The following DBR1 variants were observed in gnomAD, a reference collection of about 807,000 sequenced individuals.
The protein encoded by DBR1 is lariat debranching enzyme.
In DBR1, 33 loss-of-function variants were observed where a neutral mutation model predicts 45.9. The ratio of observed to expected loss-of-function variants is 0.72; its 90% CI spans 0.55 to 0.96. DBR1 has a LOEUF of 0.96. Among genes scored for constraint, DBR1 ranks in the 40% least tolerant of loss-of-function variants. DBR1 has a pLI of 0.00. For missense variants in DBR1, 619 were observed against 667.4 expected (o/e 0.93, Z 0.80); for synonymous variants, 235 against 235.9 (o/e 1.00, Z 0.04).
chr3:138,174,262 C>T (rs766004234), intron 1 of DBR1, among the ~76,000 whole-genome samples: 51 of 152,280 alleles, frequency 3.3e-4, no homozygotes, highest in Middle Eastern at 3.4e-3. Context: ...AGGTAGCTAT[C>T]TAAACCTGTC....
chr3:138,174,854 G>A lies in DBR1; in HGVS notation c.-59C>T, dbSNP rs1027309192. ...ACGCCCTACACCACAGCCAGCCCAG[G>A]ACCGACTGATCGCTCAGCTCCCGCC... On this transcript the variant is annotated 5_prime_UTR_variant, in exon 1 of 8. Coordinates refer to ENST00000260803, the MANE Select transcript of DBR1 (RefSeq NM_016216.4). 81 of 1,533,804 alleles carry A rather than the reference G, an allele frequency of 5.3e-5. No individual in the cohort carries two copies. Among genetic ancestry groups the A allele is most frequent in the Non-Finnish European group, 7.0e-5 (79 of 1,130,938 alleles).
rs776443332 is a variant in DBR1, at chr3:138,162,219, T to C, written c.1305A>G (p.Glu435=). The change falls in exon 8 of 8, where the codon GAA becomes GAG. Residue 435 remains glutamate (E), a synonymous_variant. Transcript: ENST00000260803. ...NPDEIMLDEE[E]DEDSIVSAHS... ...GTGCACTTACAATACTATCTTCATC[T>C]TCTTCTTCATCTAACATTATTTCAT... The C allele has an allele frequency of 6.2e-7, 1 of 1,614,160 alleles. No individual in the cohort carries two copies. The highest frequency in any genetic ancestry group is 1.7e-5 in the Admixed American group (1 of 60,024).
chr3:138,162,191 T>G lies in DBR1; in HGVS notation c.1333A>C (p.Ser445Arg), dbSNP rs949382702. The G allele has an allele frequency of 1.2e-6, 2 of 1,614,176 alleles. No homozygotes were observed. Among genetic ancestry groups the G allele is most frequent in the Non-Finnish European group, 1.7e-6 (2 of 1,180,044 alleles). Residue 445 changes from serine to arginine, a missense_variant, in exon 8 of 8, where the codon AGT (serine) becomes CGT (arginine). Physicochemically the swap from Ser to Arg is moderately radical, Grantham distance 110. Transcript: ENST00000260803. ...EDEDSIVSAH[S>R]GMNTPSVEPS... ...TCTACCGATGGTGTATTCATGCCACTATGTGCACTTACAATACTATCTTCA... is the reference window on the plus strand; with the variant it reads ...TCTACCGATGGTGTATTCATGCCACGATGTGCACTTACAATACTATCTTCA...
In DBR1 at chr3:138,163,839, G is replaced by A. The variant is rs1364771760; in HGVS notation, c.734C>T (p.Thr245Ile). The A allele has an allele frequency of 6.2e-6, 10 of 1,612,516 alleles. No homozygotes were observed. Among genetic ancestry groups the A allele is most frequent in the Non-Finnish European group, 8.5e-6 (10 of 1,178,848 alleles). ...MQHQAKDKGQ[T>I]ARATKFLALD... Reference sequence around the variant, plus strand: ...GGCTAAAAATTTGGTTGCTCTGGCTGTCTGTCCTTTATCCTTTGCCTGGAC... The same window carrying A: ...GGCTAAAAATTTGGTTGCTCTGGCTATCTGTCCTTTATCCTTTGCCTGGAC... Residue 245 changes from threonine (T) to isoleucine (I), a missense_variant, in exon 6 of 8, where the codon ACA becomes ATA. This residue lies in a region of DBR1 where 430 missense variants were observed against 447.7 expected (regional missense o/e 0.96). Transcript: ENST00000260803.
chr3:138,164,772 G>A (rs1370971657), intron 5 of DBR1, among the ~76,000 whole-genome samples: 3 of 152,126 alleles, frequency 2.0e-5, no homozygotes, highest in South Asian at 2.1e-4. Flanking sequence ...TCAGCCTCCC[G>A]AATAGCTGGG....
chr3:138,167,705 G>C (rs2042936927), intron 4 of DBR1, among the ~76,000 whole-genome samples: 1 of 152,288 alleles, frequency 6.6e-6, no homozygotes, highest in Admixed American at 6.5e-5. Flanking sequence ...CAGCACTTTG[G>C]GAGGCTGAGG....
intron 4 of DBR1, among the ~76,000 whole-genome samples, 191 bp downstream of exon 4, chr3:138,169,916 T>G (rs185982424): frequency 6.6e-6 from 1 of 151,464 alleles, no homozygotes; most frequent in African/African-American, 2.4e-5. Flanking sequence ...CTGGGTGACA[T>G]AGTGAGACTC....
At chr3:138,163,684 C>A (rs935863819) in intron 6 of DBR1, 94 bp downstream of exon 6, 4 of 948,186 alleles carry the variant, frequency 4.2e-6, no homozygotes, top group East Asian at 6.0e-5. Context: ...ACATAAATTA[C>A]AAACAGAACA....
intron 3 of DBR1, among the ~76,000 whole-genome samples, chr3:138,170,787 G>A (rs1338389507): frequency 6.6e-6 from 1 of 152,148 alleles, no homozygotes; most frequent in Admixed American, 6.5e-5. Flanking sequence ...CTTTAACTTT[G>A]AAATCAAAGT....
chr3:138,168,089 A>C (rs1234949324), intron 4 of DBR1, among the ~76,000 whole-genome samples: 1 of 152,232 alleles, frequency 6.6e-6, no homozygotes, highest in Non-Finnish European at 1.5e-5. Flanking sequence ...CATAGTATAC[A>C]CTAAAAAACT....
chr3:138,169,148 A>G (rs2042943645), intron 4 of DBR1, among the ~76,000 whole-genome samples: 2 of 152,242 alleles, frequency 1.3e-5, no homozygotes, highest in South Asian at 4.1e-4. Context: ...TGTGATGGGC[A>G]TGAGTGCAGT....
intron 7 of DBR1, among the ~76,000 whole-genome samples, chr3:138,162,813 T>C (rs1443454585): frequency 6.6e-6 from 1 of 152,254 alleles, no homozygotes; most frequent in Non-Finnish European, 1.5e-5. Flanking sequence ...GGACTATATC[T>C]TCACCATATC....
rs147446524 is a variant in DBR1 at position 138,170,162 on chromosome 3, G to A, written c.434C>T (p.Ser145Phe). Residue 145 changes from serine (S) to phenylalanine (F), a missense_variant, in exon 4 of 8, where the codon TCT becomes TTT. By Grantham distance (155) the Ser-to-Phe change is radical (BLOSUM62 -2). Transcript: ENST00000260803. Reference sequence around the variant, plus strand: ...CACATGATATATACTCCTGATTGTAGATGAATTATAAGGGGGGCACTCAAA... The same window carrying A: ...CACATGATATATACTCCTGATTGTAAATGAATTATAAGGGGGGCACTCAAA... ...GHFECPPYNS[S>F]TIRSIYHVRN... The A allele has an allele frequency of 3.1e-6, 5 of 1,597,752 alleles. No homozygotes were observed. Among genetic ancestry groups the A allele is most frequent in the African/African-American group, 1.3e-5 (1 of 74,286 alleles).
At position 138,163,371 on chromosome 3, in the gene DBR1, CT is replaced by C. The variant is rs1236840360; in HGVS notation, c.918del (p.Glu307LysfsTer18). The C allele has an allele frequency of 6.2e-7, 1 of 1,613,684 alleles. No individual in the cohort carries two copies. The highest frequency in any genetic ancestry group is 1.1e-5 in the South Asian group (1 of 90,996). On this transcript the variant is annotated frameshift_variant, in exon 7 of 8. Coordinates refer to ENST00000260803, the MANE Select transcript of DBR1 (RefSeq NM_016216.4). LOFTEE classifies it high-confidence loss of function. ...INVTGRLWNM[P>X]ENNGLHARWD... ...TACCTTGCATGCAGGCCATTATTTT[CT>C]GGCATATTCCACAGGCGCCCAGTCA...
At chr3:138,171,851 T>C in intron 2 of DBR1, 138 bp from the exon 3 acceptor site, 1 of 659,844 alleles carries the variant, frequency 1.5e-6, no homozygotes, top group East Asian at 2.7e-5. Flanking sequence ...GGTTATGCTT[T>C]TTACATAATA....
At position 138,161,532 on chromosome 3, in the gene DBR1, T is replaced by A. The variant is rs1338905666; in HGVS notation, c.*357A>T. The stretch of plus-strand genomic sequence containing the variant: ...AAATACAGTCTCAAAAAATCACATA[T>A]CTACATATAATACTAAGACAAGTAA... On this transcript the variant is annotated 3_prime_UTR_variant, in exon 8 of 8. Transcript: ENST00000260803. The A allele has an allele frequency of 5.7e-6, 1 of 174,412 alleles. No homozygotes were observed. Among genetic ancestry groups the A allele is most frequent in the Non-Finnish European group, 1.2e-5 (1 of 80,076 alleles). The allele number at this position is 174,412 out of a possible 1,614,324, so 10.8% of individuals were successfully genotyped here.
In DBR1 at chr3:138,174,628, G is replaced by C. The variant is rs1233713779; in HGVS notation, c.168C>G (p.Pro56=). ...AGAAGGTTTGCATGTGACGATACTT[G>C]GGCGGCACGGCCATGCAGCGTAGAT... is the stretch of plus-strand genomic sequence containing the variant. ...EADLRCMAVP[P]KYRHMQTFYR... The change falls in exon 1 of 8, where the codon CCC becomes CCG. Residue 56 remains proline (P), a synonymous_variant. Coordinates refer to ENST00000260803, the MANE Select transcript of DBR1 (RefSeq NM_016216.4). The C allele has an allele frequency of 6.2e-7, 1 of 1,602,644 alleles. No homozygotes were observed. The highest frequency in any genetic ancestry group is 2.2e-5 in the East Asian group (1 of 44,504).
Position 138,163,425 on chromosome 3 carries a change from G to A in DBR1, c.865C>T (p.Leu289Phe), listed in dbSNP as rs776870709. 1 of 1,613,566 alleles carries A rather than the reference G, an allele frequency of 6.2e-7. No individual in the cohort carries two copies. The highest frequency in any genetic ancestry group is 1.1e-5 in the South Asian group (1 of 91,054). Residue 289 changes from leucine to phenylalanine, a missense_variant, in exon 7 of 8, where the codon CTC (leucine) becomes TTC (phenylalanine). Around this residue, in one of 3 missense-constraint regions of DBR1, gnomAD observed 430 missense variants for 447.7 expected, o/e 0.96. Transcript: ENST00000260803. ...LEYDIEWLTI[L>F]RATDDLINVT... ...TTAATAAGATCATCCGTAGCCCTGA[G>A]AATAGTGAGCCATTCAATATCATAT...
Position 138,174,848 on chromosome 3 carries a change from G to C in DBR1, c.-53C>G. ...CCTGCAACGCCCTACACCACAGCCA[G>C]CCCAGGACCGACTGATCGCTCAGCT... is the stretch of plus-strand genomic sequence containing the variant. On this transcript the variant is annotated 5_prime_UTR_variant, in exon 1 of 8. Coordinates refer to ENST00000260803, the MANE Select transcript of DBR1 (RefSeq NM_016216.4). 6.4e-7 allele frequency: 1 copy of C among 1,552,006 alleles called. No individual in the cohort carries two copies. Among genetic ancestry groups the C allele is most frequent in the Non-Finnish European group, 8.7e-7 (1 of 1,143,720 alleles).
Sources: allele counts gnomAD v4.1 joint callset (sites outside exome capture counted in the v4.1 genomes callset), GRCh38; gene constraint gnomAD v4.1.1; regional missense constraint gnomAD v4.1.1; transcripts MANE v1.5; gene names NCBI Gene and HGNC (gene_info 2026-07-23, HGNC 2026-07-21).